The following SMOX variants were observed in gnomAD, a reference collection of about 807,000 sequenced individuals.
SMOX encodes flavin containing amine oxidase.
Under a neutral mutation model 51.0 loss-of-function variants are expected in SMOX, and 22 were observed. That is an observed-to-expected ratio of 0.43 (90% CI 0.31 to 0.62). The LOEUF is 0.62. Among genes scored for constraint, SMOX ranks in the 20% least tolerant of loss-of-function variants. The pLI is 0.10. For missense variants in SMOX, 566 were observed against 777.7 expected, an observed-to-expected ratio of 0.73 and a Z score of 3.24; for synonymous variants, 282 against 307.8, an observed-to-expected ratio of 0.92 and a Z score of 0.88.
intron 1 of SMOX, among the ~76,000 whole-genome samples, chr20:4,165,751 A>G (rs975798687): frequency 2.6e-5 from 4 of 152,104 alleles, no homozygotes; most frequent in Non-Finnish European, 5.9e-5. Flanking sequence ...TCAAGTGCTA[A>G]CAGACTCTCC....
intron 1 of SMOX, among the ~76,000 whole-genome samples, chr20:4,154,577 G>A (rs1741300): frequency 0.22 from 34,130 of 151,934 alleles, 4,923 homozygotes; most frequent in African/African-American, 0.4. Context: ...TGGTCAGGCT[G>A]GTCTCGAACT....
rs1237943742 is a variant in SMOX at position 4,149,552 on chromosome 20, A to G, written c.-27+575A>G. The stretch of plus-strand genomic sequence containing the variant: ...GCAGGGTGAGGAGCAGCTTTCTCTT[A>G]AGGGCCAACTAGGGGCTCACGGGTT... On this transcript the variant is annotated intron_variant, in intron 1 of 6. Transcript: ENST00000305958. This position sits in a 1 kb window ranked among gnomAD's most constrained non-coding sequence, Gnocchi z 6.0. Among the ~76,000 whole-genome samples the G allele has an allele frequency of 3.9e-5, 6 of 152,032 alleles. No individual in the cohort carries two copies. The highest frequency in any genetic ancestry group is 1.4e-4 in the African/African-American group (6 of 41,392).
intron 1 of SMOX, among the ~76,000 whole-genome samples, chr20:4,164,637 T>C (rs1986476073): frequency 2.6e-5 from 4 of 152,226 alleles, no homozygotes; most frequent in Non-Finnish European, 4.4e-5. Context: ...TGTGTGTGTG[T>C]AAGAGAAGTG....
At chr20:4,175,529 G>C (rs530375715) in intron 2 of SMOX, among the ~76,000 whole-genome samples, 190 of 152,308 alleles carry the variant, frequency 1.2e-3, no homozygotes, top group Non-Finnish European at 1.6e-3. Flanking sequence ...GGACACCCAA[G>C]CTCTCTTGGT....
rs1276719988 is a variant in SMOX, at chr20:4,149,600, G to A, written c.-27+623G>A. 6.6e-6 allele frequency among the ~76,000 whole-genome samples: 1 copy of A among 152,194 alleles called. No individual in the cohort carries two copies. The highest frequency in any genetic ancestry group is 2.4e-5 in the African/African-American group (1 of 41,462). ...GTTGTCCCGGGCTTGGCGGGAGCCG[G>A]GCTCGCAAAGGGTTCGGGTGTGTTG... On this transcript the variant is annotated intron_variant, in intron 1 of 6. Coordinates refer to ENST00000305958, the MANE Select transcript of SMOX (RefSeq NM_175839.3). The surrounding 1 kb of genome is among the most constrained non-coding windows in gnomAD (Gnocchi z 6.0).
chr20:4,184,769 G>C (rs1979611770), intron 6 of SMOX, among the ~76,000 whole-genome samples: 1 of 152,168 alleles, frequency 6.6e-6, no homozygotes, highest in Admixed American at 6.5e-5. Flanking sequence ...CTCCTAAAAA[G>C]CAAATCTTCT....
rs948623579 is a variant in SMOX, at chr20:4,149,748, C to G, written c.-27+771C>G. The stretch of plus-strand genomic sequence containing the variant: ...CAGGGGGACTTGGCCCGATGAGATA[C>G]GCTCGGTGCCCGGCACGTATAGTGA... On this transcript the variant is annotated intron_variant, in intron 1 of 6. Coordinates refer to ENST00000305958, the MANE Select transcript of SMOX (RefSeq NM_175839.3). This position sits in a 1 kb window ranked among gnomAD's most constrained non-coding sequence, Gnocchi z 6.0. 6.6e-6 allele frequency among the ~76,000 whole-genome samples: 1 copy of G among 152,170 alleles called. No individual in the cohort carries two copies. Among genetic ancestry groups the G allele is most frequent in the African/African-American group, 2.4e-5 (1 of 41,448 alleles).
intron 2 of SMOX, among the ~76,000 whole-genome samples, chr20:4,175,793 G>C (rs192206960): frequency 6.6e-6 from 1 of 151,244 alleles, no homozygotes; most frequent in African/African-American, 2.4e-5. Flanking sequence ...GGAGAAAGCA[G>C]CCAGGTAAGA....
intron 1 of SMOX, among the ~76,000 whole-genome samples, chr20:4,156,095 T>G (rs1359114012): frequency 6.6e-6 from 1 of 152,156 alleles, no homozygotes; most frequent in Admixed American, 6.5e-5. Flanking sequence ...GGGTAGAAAC[T>G]GGCAAATTCA....
intron 1 of SMOX, among the ~76,000 whole-genome samples, chr20:4,165,081 G>A (rs1400771859): frequency 8.7e-6 from 1 of 115,286 alleles, no homozygotes; most frequent in African/African-American, 3.0e-5. Flanking sequence ...TTGAGACAGA[G>A]TCTCGCTCTG....
At chr20:4,158,055 C>T (rs937474403) in intron 1 of SMOX, among the ~76,000 whole-genome samples, 6 of 150,386 alleles carry the variant, frequency 4.0e-5, no homozygotes, top group Middle Eastern at 3.4e-3. Flanking sequence ...CGCCCGCCAC[C>T]ACGCCCGGCT....
rs1426204641 is a variant in SMOX at position 4,170,870 on chromosome 20, T to C, written c.-26-4160T>C. On this transcript the variant is annotated intron_variant, in intron 1 of 6. Coordinates refer to ENST00000305958, the MANE Select transcript of SMOX (RefSeq NM_175839.3). The surrounding 1 kb of genome is among the most constrained non-coding windows in gnomAD (Gnocchi z 4.6). ...CTGGAGAACTGGCTGCGTGGTATCT[T>C]GGATGAAATTGCCAGGGGACCGGGG... 6.6e-6 allele frequency among the ~76,000 whole-genome samples: 1 copy of C among 152,114 alleles called. No individual in the cohort carries two copies. Among genetic ancestry groups the C allele is most frequent in the African/African-American group, 2.4e-5 (1 of 41,418 alleles).
chr20:4,158,092 G>A (rs999322946), intron 1 of SMOX, among the ~76,000 whole-genome samples: 3 of 148,702 alleles, frequency 2.0e-5, no homozygotes, highest in Non-Finnish European at 3.0e-5. Context: ...AGTAGAGATG[G>A]TGTTTCACCT....
chr20:4,185,357 AG>A (rs763670419), intron 6 of SMOX, among the ~76,000 whole-genome samples: 22 of 152,160 alleles, frequency 1.4e-4, no homozygotes, highest in Non-Finnish European at 2.6e-4. Flanking sequence ...CTCACTACTC[AG>A]GGTAGGTAGA....
chr20:4,172,610 C>G lies in SMOX; in HGVS notation c.-26-2420C>G, dbSNP rs956415069. On this transcript the variant is annotated intron_variant, in intron 1 of 6. Coordinates refer to ENST00000305958, the MANE Select transcript of SMOX (RefSeq NM_175839.3). This position sits in a 1 kb window ranked among gnomAD's most constrained non-coding sequence, Gnocchi z 7.7. Reference sequence around the variant, plus strand: ...CGCCCTGCTCCCGGCGTGGCCTCATCCCCAGCGAAAGCGCGACACCCGCTG... The same window carrying G: ...CGCCCTGCTCCCGGCGTGGCCTCATGCCCAGCGAAAGCGCGACACCCGCTG... Among the ~76,000 whole-genome samples, 5 of 152,010 alleles carry G rather than the reference C, an allele frequency of 3.3e-5. No individual in the cohort carries two copies. The highest frequency in any genetic ancestry group is 2.0e-4 in the Admixed American group (3 of 15,272).
At position 4,170,191 on chromosome 20, in the gene SMOX, G is replaced by A. The variant is rs1986765539; in HGVS notation, c.-26-4839G>A. Among the ~76,000 whole-genome samples, 1 of 151,916 alleles carries A rather than the reference G, an allele frequency of 6.6e-6. No individual in the cohort carries two copies. The highest frequency in any genetic ancestry group is 2.4e-5 in the African/African-American group (1 of 41,326). ...GGTGCTTCTGGCGCAGTTGGGGGTG[G>A]AGGTGACATGATTCAGGCTGTGGAG... On this transcript the variant is annotated intron_variant, in intron 1 of 6. Coordinates refer to ENST00000305958, the MANE Select transcript of SMOX (RefSeq NM_175839.3). This position sits in a 1 kb window ranked among gnomAD's most constrained non-coding sequence, Gnocchi z 4.6.
chr20:4,165,257 T>C (rs1986521174), intron 1 of SMOX, among the ~76,000 whole-genome samples: 2 of 152,098 alleles, frequency 1.3e-5, no homozygotes, highest in South Asian at 4.1e-4. Context: ...GTTTTCACCA[T>C]GTTGGCCAGG....
intron 3 of SMOX, among the ~76,000 whole-genome samples, chr20:4,180,030 T>A (rs1979204355): frequency 6.6e-6 from 1 of 152,176 alleles, no homozygotes; most frequent in South Asian, 2.1e-4. Flanking sequence ...CATTTTGGCC[T>A]CTAGTTAACA....
intron 1 of SMOX, among the ~76,000 whole-genome samples, chr20:4,154,963 C>T (rs1348021884): frequency 6.6e-6 from 1 of 152,022 alleles, no homozygotes; most frequent in Non-Finnish European, 1.5e-5. Context: ...CCTCTGGGTG[C>T]TTGGGTCATA....
Sources: allele counts gnomAD v4.1 joint callset (sites outside exome capture counted in the v4.1 genomes callset), GRCh38; gene constraint gnomAD v4.1.1; non-coding constraint Gnocchi (gnomAD v3.1); transcripts MANE v1.5; gene names NCBI Gene and HGNC (gene_info 2026-07-23, HGNC 2026-07-21).